The following ARHGEF3 variants were observed in gnomAD, a reference collection of about 807,000 sequenced individuals.
The protein encoded by ARHGEF3 is 59.8 kDA protein.
A neutral mutation model predicts 63.2 loss-of-function variants in ARHGEF3; 28 were observed. The ratio of observed to expected loss-of-function variants is 0.44; its 90% CI spans 0.33 to 0.61. ARHGEF3 has a LOEUF of 0.61. ARHGEF3 is among the 20% of genes least tolerant of loss of function. The pLI is 0.03. For missense variants in ARHGEF3, 533 were observed against 659.3 expected (o/e 0.81, Z 2.10); for synonymous variants, 266 against 254.2 (o/e 1.05, Z -0.44).
intron 2 of ARHGEF3, among the ~76,000 whole-genome samples, chr3:56,989,839 T>C (rs922390243): frequency 1.3e-5 from 2 of 152,196 alleles, no homozygotes; most frequent in Non-Finnish European, 2.9e-5. Flanking sequence ...CCTTCATCAC[T>C]TCACAGCTGC....
chr3:57,068,858 T>A (rs1490471604), intron 1 of ARHGEF3, among the ~76,000 whole-genome samples: 1 of 151,522 alleles, frequency 6.6e-6, no homozygotes, highest in Non-Finnish European at 1.5e-5. Context: ...GGAAACAAAA[T>A]CCCTATGAAC....
intron 3 of ARHGEF3, among the ~76,000 whole-genome samples, chr3:56,956,443 A>G (rs1334779582): frequency 2.0e-5 from 3 of 152,144 alleles, no homozygotes; most frequent in African/African-American, 4.8e-5. Context: ...TTTGGCAAGG[A>G]TGGGGCAAAC....
chr3:56,815,476 T>C (rs2038234763), intron 4 of ARHGEF3, among the ~76,000 whole-genome samples: 1 of 152,236 alleles, frequency 6.6e-6, no homozygotes, highest in Non-Finnish European at 1.5e-5. Flanking sequence ...TTCAGCATGG[T>C]AATATTTTAT....
chr3:56,765,476 T>C (rs578236041), intron 2 of ARHGEF3, among the ~76,000 whole-genome samples: 2 of 152,166 alleles, frequency 1.3e-5, no homozygotes, highest in Non-Finnish European at 1.5e-5. Flanking sequence ...AATAAGTTAG[T>C]TATAGAAAAT....
chr3:56,819,427 C>T (rs2038385510), intron 4 of ARHGEF3, among the ~76,000 whole-genome samples: 1 of 152,110 alleles, frequency 6.6e-6, no homozygotes, highest in Admixed American at 6.5e-5. Flanking sequence ...CAGGTCAACC[C>T]AGCCCTGTGG....
chr3:56,870,747 C>T (rs1481520298), intron 4 of ARHGEF3, among the ~76,000 whole-genome samples: 1 of 151,914 alleles, frequency 6.6e-6, no homozygotes, highest in Admixed American at 6.6e-5. Context: ...ATGCTCTGTA[C>T]TTTCTGCCTA....
chr3:56,817,529 A>G (rs908401813), intron 4 of ARHGEF3, among the ~76,000 whole-genome samples: 2 of 152,258 alleles, frequency 1.3e-5, no homozygotes, highest in African/African-American at 4.8e-5. Flanking sequence ...TGGAACAGAA[A>G]GAACCATTAT....
At chr3:57,062,810 A>G (rs1705303908) in intron 1 of ARHGEF3, among the ~76,000 whole-genome samples, 1 of 152,180 alleles carries the variant, frequency 6.6e-6, no homozygotes, top group South Asian at 2.1e-4. Flanking sequence ...TAGAAGAATC[A>G]AATGGCTTTT....
chr3:56,873,165 A>C (rs1010969369), intron 4 of ARHGEF3, among the ~76,000 whole-genome samples: 2 of 151,596 alleles, frequency 1.3e-5, no homozygotes, highest in Non-Finnish European at 2.9e-5. Flanking sequence ...CACTCAGCTA[A>C]GTTTTAAATT....
chr3:56,995,994 T>C (rs1701973759), intron 2 of ARHGEF3, among the ~76,000 whole-genome samples: 1 of 152,108 alleles, frequency 6.6e-6, no homozygotes, highest in African/African-American at 2.4e-5. Context: ...CCCTGGGGGA[T>C]TGGAACACAA....
At chr3:57,070,785 C>A (rs773156564) in intron 1 of ARHGEF3, among the ~76,000 whole-genome samples, 3 of 151,546 alleles carry the variant, frequency 2.0e-5, no homozygotes, top group African/African-American at 4.8e-5. Context: ...ACAGCCAGAC[C>A]CAGTCTCTAC....
intron 4 of ARHGEF3, among the ~76,000 whole-genome samples, chr3:56,831,837 AT>A (rs1173401147): frequency 2.0e-5 from 3 of 152,116 alleles, no homozygotes; most frequent in Non-Finnish European, 4.4e-5. Flanking sequence ...GCTCTCTTCC[AT>A]TTTTTTCTGG....
chr3:56,976,072 T>C (rs768215128), intron 2 of ARHGEF3, among the ~76,000 whole-genome samples: 6 of 152,202 alleles, frequency 3.9e-5, no homozygotes, highest in Non-Finnish European at 7.3e-5. Flanking sequence ...GACAGAGTCT[T>C]GCTCTGTTGC....
chr3:56,859,749 G>A (rs2040004872), intron 4 of ARHGEF3, among the ~76,000 whole-genome samples: 1 of 150,412 alleles, frequency 6.6e-6, no homozygotes, highest in African/African-American at 2.4e-5. Flanking sequence ...TGTTGGCCAG[G>A]CTGGTCTCGA....
rs1384354520 is a variant in ARHGEF3, at chr3:56,729,261, A to C, written c.*9T>G. 1.2e-6 allele frequency: 2 copies of C among 1,604,468 alleles called. No individual in the cohort carries two copies. On this transcript the variant is annotated 3_prime_UTR_variant, in exon 10 of 10. Coordinates refer to ENST00000296315, the MANE Select transcript of ARHGEF3 (RefSeq NM_019555.3). ...TGCAGGCCTGCTTCCCGAAGTGCAC[A>C]TGCTTCTGTCAGACGTTACTTTCAC...
intron 2 of ARHGEF3, among the ~76,000 whole-genome samples, chr3:57,031,847 G>A (rs900121996): frequency 1.3e-5 from 2 of 152,210 alleles, no homozygotes; most frequent in African/African-American, 4.8e-5. Context: ...AGACCCTGGA[G>A]ATGTGGGAGC....
intron 4 of ARHGEF3, among the ~76,000 whole-genome samples, chr3:56,840,566 G>A (rs562196552): frequency 7.2e-5 from 11 of 152,304 alleles, no homozygotes; most frequent in South Asian, 2.1e-4. Flanking sequence ...GGGACTCAGC[G>A]CAGTGCCGTG....
intron 3 of ARHGEF3, among the ~76,000 whole-genome samples, chr3:56,882,675 C>CT: frequency 2.6e-5 from 4 of 151,970 alleles, no homozygotes; most frequent in African/African-American, 9.7e-5. Context: ...CACGCCACCA[C>CT]GCCTGGCTAA....
intron 1 of ARHGEF3, among the ~76,000 whole-genome samples, chr3:57,046,993 A>G (rs1704480623): frequency 6.6e-6 from 1 of 152,244 alleles, no homozygotes; most frequent in South Asian, 2.1e-4. Flanking sequence ...AAGCTATTAA[A>G]ACATCTATAT....
Sources: gnomAD v4.1 joint callset for allele counts (sites outside exome capture counted in the v4.1 genomes callset) on GRCh38, gnomAD v4.1.1 for gene constraint, MANE v1.5 for transcripts, NCBI Gene and HGNC (gene_info 2026-07-23, HGNC 2026-07-21) for gene names.